Variants in CHST9 observed in about 807,000 individuals in gnomAD.
CHST9 encodes the protein carbohydrate sulfotransferase 9.
CHST9 carries 41 observed loss-of-function variants against 44.4 expected under a neutral mutation model. That is an observed-to-expected ratio of 0.92 (90% CI 0.72 to 1.20). The LOEUF (loss-of-function observed/expected upper bound fraction) is 1.20, where lower values mean the gene tolerates loss of function less well. Among genes scored for constraint, CHST9 ranks in the 50% most tolerant of loss-of-function variants. The probability of loss-of-function intolerance (pLI) is 0.00; values close to 1 mark genes in which losing one functional copy is unlikely to be tolerated. For synonymous variants in CHST9, 171 were observed against 178.4 expected, an observed-to-expected ratio of 0.96 and a Z score of 0.33; for missense variants, 504 against 516.5, an observed-to-expected ratio of 0.98 and a Z score of 0.23.
intron 2 of CHST9, among the ~76,000 whole-genome samples, chr18:27,094,226 T>A (rs185922378): frequency 1.3e-5 from 2 of 152,186 alleles, no homozygotes; most frequent in Admixed American, 6.5e-5. Flanking sequence ...TTGATCAAAC[T>A]GTAACACCTT....
chr18:27,133,588 G>C lies in CHST9; in HGVS notation c.121+9101C>G, dbSNP rs143383898. On this transcript the variant is annotated intron_variant, in intron 2 of 5. Transcript: ENST00000618847. ...TGGGACACTGGTGACCAAAATACAA[G>C]TTTCCTGCCCTCAGGAAGCCTCCAT... Among the ~76,000 whole-genome samples, 366 of 152,302 alleles carry C rather than the reference G, an allele frequency of 2.4e-3. 2 individuals are homozygous for C. The highest frequency in any genetic ancestry group is 8.5e-3 in the African/African-American group (353 of 41,562).
intron 2 of CHST9, among the ~76,000 whole-genome samples, chr18:27,096,977 A>G (rs72884303): frequency 0.056 from 8,490 of 152,168 alleles, 346 homozygotes; most frequent in Non-Finnish European, 0.083. Context: ...CAATGAAAAA[A>G]GAAAACTACA....
intron 3 of CHST9, among the ~76,000 whole-genome samples, chr18:27,043,839 G>A (rs1598665605): frequency 1.3e-5 from 2 of 152,048 alleles, no homozygotes; most frequent in East Asian, 3.9e-4. Flanking sequence ...GAACGGCATA[G>A]ATGGTCCTTG....
Position 26,911,756 on chromosome 18 carries a change from G to A in CHST9, c.*4503C>T, listed in dbSNP as rs1452773182. 3.3e-5 allele frequency: 5 copies of A among 152,214 alleles called. No homozygotes were observed. Among genetic ancestry groups the A allele is most frequent in the African/African-American group, 1.2e-4 (5 of 41,464 alleles). 9.4% of individuals were successfully genotyped at this position (152,214 alleles called of 1,614,324 possible). A position where few individuals can be genotyped will look rare whatever the true frequency, so the allele number is the denominator to read the frequency against. On this transcript the variant is annotated 3_prime_UTR_variant, in exon 6 of 6. Coordinates refer to ENST00000618847, the MANE Select transcript of CHST9 (RefSeq NM_031422.6). ...TGAGAATGAAATGATATGAGGCAAT[G>A]TTCTGTTGAACTCCCCAGACCTGGC... is the stretch of plus-strand genomic sequence containing the variant.
intron 4 of CHST9, among the ~76,000 whole-genome samples, chr18:27,022,879 G>C (rs531424015): frequency 6.6e-6 from 1 of 152,140 alleles, no homozygotes; most frequent in South Asian, 2.1e-4. Context: ...TCAACTTATG[G>C]GCTACCAGTA....
At chr18:27,007,710 A>C (rs2057033353) in intron 4 of CHST9, among the ~76,000 whole-genome samples, 1 of 152,222 alleles carries the variant, frequency 6.6e-6, no homozygotes, top group Non-Finnish European at 1.5e-5. Flanking sequence ...AGGTCATGTC[A>C]GATGGACAAT....
At chr18:27,149,599 C>CTTTTTTTTTTTTTTTTT in intron 1 of CHST9, among the ~76,000 whole-genome samples, 1 of 142,926 alleles carries the variant, frequency 7.0e-6, no homozygotes, top group Non-Finnish European at 1.5e-5. Flanking sequence ...CTATTTTCAG[C>CTTTTTTTTTTTTTTTTT]TTTTTTTTTT....
intron 4 of CHST9, among the ~76,000 whole-genome samples, chr18:27,004,448 T>C (rs1332739635): frequency 1.3e-5 from 2 of 152,138 alleles, no homozygotes; most frequent in Admixed American, 1.3e-4. Context: ...TTCAAAATTG[T>C]GCCCACTTTT....
At chr18:27,134,920 CA>C (rs1325493889) in intron 2 of CHST9, among the ~76,000 whole-genome samples, 2 of 151,878 alleles carry the variant, frequency 1.3e-5, no homozygotes, top group African/African-American at 4.8e-5. Context: ...AGTCAGAAAA[CA>C]AAAAATTTCA....
chr18:27,033,565 T>TTTTTCTCA (rs2057362256), intron 3 of CHST9, among the ~76,000 whole-genome samples: 1 of 152,214 alleles, frequency 6.6e-6, no homozygotes, highest in Non-Finnish European at 1.5e-5. Context: ...CTCCCTTCTC[T>TTTTTCTCA]TTTTCTCATT....
chr18:27,155,086 TA>T (rs145704285), intron 1 of CHST9, among the ~76,000 whole-genome samples: 52,017 of 108,716 alleles, frequency 0.48, 10,461 homozygotes, highest in East Asian at 0.65. Flanking sequence ...TTTCAAAAGT[TA>T]AAAAAAAAAA....
intron 3 of CHST9, among the ~76,000 whole-genome samples, chr18:27,044,066 C>T (rs1003063279): frequency 4.6e-5 from 7 of 151,672 alleles, no homozygotes; most frequent in African/African-American, 7.3e-5. Context: ...CCCTTCCCCC[C>T]CCTTTATTTT....
In CHST9 at chr18:26,917,013, C is replaced by T. The variant is rs765879879; in HGVS notation, c.578G>A (p.Ser193Asn). Residue 193 changes from serine (S) to asparagine (N), a missense_variant, in exon 6 of 6, where the codon AGT becomes AAT. By Grantham distance (46) the Ser-to-Asn change is conservative. Transcript: ENST00000618847. Reference protein sequence around the residue: ...QEFCKKYGGVSHHQSHLFHTV... With the variant: ...QEFCKKYGGVNHHQSHLFHTV... ...ATGAAAAAGATGTGACTGATGATGA[C>T]TCACCCCACCGTATTTCTTGCAAAA... is the stretch of plus-strand genomic sequence containing the variant. 1.2e-6 allele frequency: 2 copies of T among 1,613,800 alleles called. No individual in the cohort carries two copies. The highest frequency in any genetic ancestry group is 3.3e-5 in the Admixed American group (2 of 59,982).
At chr18:26,996,353 T>C (rs1030912961) in intron 4 of CHST9, among the ~76,000 whole-genome samples, 9 of 152,130 alleles carry the variant, frequency 5.9e-5, no homozygotes, top group African/African-American at 2.2e-4. Flanking sequence ...ACCCTCAACG[T>C]TGGAGGTGGG....
At chr18:26,966,969 CG>C (rs944836497) in intron 4 of CHST9, among the ~76,000 whole-genome samples, 66 of 151,012 alleles carry the variant, frequency 4.4e-4, no homozygotes, top group African/African-American at 1.6e-3. Flanking sequence ...GTAGATATCT[CG>C]GGTTGGCCTG....
intron 4 of CHST9, among the ~76,000 whole-genome samples, chr18:27,016,916 G>T (rs1301220950): frequency 1.3e-5 from 2 of 152,076 alleles, no homozygotes; most frequent in Non-Finnish European, 2.9e-5. Context: ...CACTGCAAAG[G>T]TGAGGATAAA....
At chr18:26,963,528 G>C (rs540298960) in intron 4 of CHST9, among the ~76,000 whole-genome samples, 89 of 151,138 alleles carry the variant, frequency 5.9e-4, no homozygotes, top group African/African-American at 2.1e-3. Flanking sequence ...CAGAGCCCTA[G>C]GGTGCTGGGC....
chr18:27,001,434 T>C (rs1221844524), intron 4 of CHST9, among the ~76,000 whole-genome samples: 3 of 152,172 alleles, frequency 2.0e-5, no homozygotes, highest in Non-Finnish European at 2.9e-5. Context: ...AAGAAGTTTG[T>C]TTTGCAAACA....
chr18:26,952,916 A>G (rs1291768296), intron 4 of CHST9, among the ~76,000 whole-genome samples: 1 of 152,156 alleles, frequency 6.6e-6, no homozygotes, highest in East Asian at 1.9e-4. Context: ...GTGGGCACAC[A>G]GATGGGGAAA....
Sources: gnomAD v4.1 joint callset for allele counts (sites outside exome capture counted in the v4.1 genomes callset) on GRCh38, gnomAD v4.1.1 for gene constraint, MANE v1.5 for transcripts, NCBI Gene and HGNC (gene_info 2026-07-23, HGNC 2026-07-21) for gene names.